TLN2: variants seen among roughly 807,000 people sequenced by gnomAD.
TLN2 encodes the protein talin 2, also known as talin-2.
In TLN2, 118 loss-of-function variants were observed where a neutral mutation model predicts 294.7. The observed-to-expected ratio is 0.40, with a 90% CI of 0.34 to 0.47. TLN2 has a LOEUF of 0.47. Ranked by LOEUF, TLN2 falls within the 20% of genes least tolerant of loss-of-function variation. The pLI is 0.84. For missense variants in TLN2, 3,083 were observed against 3,282.2 expected, an observed-to-expected ratio of 0.94 and a Z score of 1.48; for synonymous variants, 1,431 against 1,304.5, an observed-to-expected ratio of 1.10 and a Z score of -2.09.
At chr15:62,638,616 CA>C (rs779347091) in intron 3 of TLN2, 1 of 455,812 alleles carries the variant, frequency 2.2e-6, no homozygotes, top group Non-Finnish European at 4.4e-6. Context: ...TTAGTTTCTT[CA>C]CCTGAAAATG....
In TLN2 at chr15:62,647,455, T is replaced by G; in HGVS notation, c.136+9T>G. ...GGCACAAACTGGGCAAGGTAGGTCA[T>G]GGGTTATTTACTGGCTTCTTAAAAC... On this transcript the variant is annotated intron_variant, in intron 4 of 58. Transcript: ENST00000636159. 6.2e-7 allele frequency: 1 copy of G among 1,613,548 alleles called. No homozygotes were observed. The highest frequency in any genetic ancestry group is 8.5e-7 in the Non-Finnish European group (1 of 1,179,910).
intron 46 of TLN2, among the ~76,000 whole-genome samples, chr15:62,795,457 A>T (rs2065407548): frequency 6.6e-6 from 1 of 152,192 alleles, no homozygotes; most frequent in Non-Finnish European, 1.5e-5. Flanking sequence ...GGGTGACAGC[A>T]CAGGATTTCT....
At chr15:62,665,077 T>C (rs2054438724) in intron 9 of TLN2, among the ~76,000 whole-genome samples, 1 of 152,030 alleles carries the variant, frequency 6.6e-6, no homozygotes, top group Non-Finnish European at 1.5e-5. Context: ...ATTTTTGTTG[T>C]TGTTGTTGTT....
intron 52 of TLN2, among the ~76,000 whole-genome samples, chr15:62,818,718 A>G (rs562093735): frequency 6.6e-6 from 1 of 152,230 alleles, no homozygotes; most frequent in Admixed American, 6.5e-5. Flanking sequence ...GTTGTTGCTC[A>G]CTTAGGGATT....
At chr15:62,531,040 AT>A (rs1210025185) in intron 1 of TLN2, among the ~76,000 whole-genome samples, 1 of 152,090 alleles carries the variant, frequency 6.6e-6, no homozygotes, top group Non-Finnish European at 1.5e-5. Context: ...TGCCATTCAG[AT>A]TTTTTATTAG....
At chr15:62,551,818 C>G (rs887603983) in intron 1 of TLN2, among the ~76,000 whole-genome samples, 1 of 152,228 alleles carries the variant, frequency 6.6e-6, no homozygotes, top group Non-Finnish European at 1.5e-5. Flanking sequence ...GAGCTTTTAA[C>G]TGCTTTGTGT....
rs764010039 is a variant in TLN2 at position 62,755,513 on chromosome 15, C to A, written c.4477-19C>A. The A allele has an allele frequency of 6.2e-7, 1 of 1,613,060 alleles. No individual in the cohort carries two copies. Among genetic ancestry groups the A allele is most frequent in the East Asian group, 2.2e-5 (1 of 44,866 alleles). ...CACTGTAGCATGGGGTACCCCCAAC[C>A]TAGCTCCATGCTTTGTAGGTCCTGT... is the stretch of plus-strand genomic sequence containing the variant. On this transcript the variant is annotated intron_variant, in intron 36 of 58. Coordinates refer to ENST00000636159, the MANE Select transcript of TLN2 (RefSeq NM_015059.3).
chr15:62,471,119 A>C (rs1480995223), intron 1 of TLN2, among the ~76,000 whole-genome samples: 1 of 152,158 alleles, frequency 6.6e-6, no homozygotes, highest in East Asian at 1.9e-4. Flanking sequence ...CTGAAGCAGG[A>C]GGATGGCTTG....
intron 45 of TLN2, among the ~76,000 whole-genome samples, chr15:62,788,656 A>G (rs963748201): frequency 2.6e-5 from 4 of 152,350 alleles, no homozygotes; most frequent in Non-Finnish European, 5.9e-5. Context: ...GCCACTTTAA[A>G]TAACTTTTTG....
chr15:62,429,129 G>T (rs1057231333), intron 1 of TLN2, among the ~76,000 whole-genome samples: 1 of 135,944 alleles, frequency 7.4e-6, no homozygotes, highest in Non-Finnish European at 1.7e-5. Context: ...GTTGGCGGGG[G>T]TTGGGGGGGT....
chr15:62,439,136 T>C (rs938853011), intron 1 of TLN2, among the ~76,000 whole-genome samples: 2 of 152,226 alleles, frequency 1.3e-5, no homozygotes, highest in African/African-American at 4.8e-5. Flanking sequence ...GCCATTACTT[T>C]TTCTCTTGCT....
intron 1 of TLN2, among the ~76,000 whole-genome samples, chr15:62,485,384 TC>T (rs1237797570): frequency 6.6e-6 from 1 of 152,228 alleles, no homozygotes; most frequent in Non-Finnish European, 1.5e-5. Context: ...TTCAGCCCTT[TC>T]CTTTCTGCTG....
intron 1 of TLN2, among the ~76,000 whole-genome samples, chr15:62,467,967 G>C (rs2037239061): frequency 1.3e-5 from 2 of 152,122 alleles, no homozygotes; most frequent in Admixed American, 1.3e-4. Flanking sequence ...TCTTGGGTAA[G>C]TTCACACACT....
chr15:62,734,488 A>G (rs2060900292), intron 28 of TLN2, among the ~76,000 whole-genome samples: 1 of 152,192 alleles, frequency 6.6e-6, no homozygotes, highest in East Asian at 1.9e-4. Flanking sequence ...TCTTAACTAC[A>G]TCTGGCGCTT....
At chr15:62,727,945 G>A (rs765048963) in intron 28 of TLN2, among the ~76,000 whole-genome samples, 2 of 152,110 alleles carry the variant, frequency 1.3e-5, no homozygotes, top group Non-Finnish European at 2.9e-5. Context: ...ACAGTAACAC[G>A]CTTGACTTCT....
intron 5 of TLN2, among the ~76,000 whole-genome samples, chr15:62,650,721 T>C (rs2052494208): frequency 6.6e-6 from 1 of 152,198 alleles, no homozygotes; most frequent in Non-Finnish European, 1.5e-5. Context: ...ACCTCCAAGA[T>C]ACCGGGTTTT....
intron 2 of TLN2, among the ~76,000 whole-genome samples, chr15:62,605,639 C>T (rs200901221): frequency 6.6e-6 from 1 of 152,090 alleles, no homozygotes; most frequent in East Asian, 1.9e-4. Flanking sequence ...GCTCAGAACA[C>T]ACGCCTCCTC....
At chr15:62,696,477 C>A (rs989231970) in intron 14 of TLN2, among the ~76,000 whole-genome samples, 21 of 152,164 alleles carry the variant, frequency 1.4e-4, no homozygotes, top group African/African-American at 5.1e-4. Context: ...GAGGCTGAGG[C>A]GGGTGGTTCA....
At chr15:62,569,596 A>G (rs113765000) in intron 1 of TLN2, among the ~76,000 whole-genome samples, 9 of 152,348 alleles carry the variant, frequency 5.9e-5, no homozygotes, top group African/African-American at 1.9e-4. Flanking sequence ...GGTTGGTGCA[A>G]TCTGGAGTCG....
Sources: allele counts gnomAD v4.1 joint callset (sites outside exome capture counted in the v4.1 genomes callset), GRCh38; gene constraint gnomAD v4.1.1; transcripts MANE v1.5; gene names NCBI Gene and HGNC (gene_info 2026-07-23, HGNC 2026-07-21).